Variants in PHLPP1 observed in about 807,000 individuals in gnomAD.
PHLPP1 encodes PH domain and leucine rich repeat protein phosphatase 1.
In PHLPP1, 42 loss-of-function variants were observed where a neutral mutation model predicts 117.2. The observed-to-expected ratio is 0.36, with a 90% CI of 0.28 to 0.46. PHLPP1 has a LOEUF of 0.46. Ranked by LOEUF, PHLPP1 falls within the 20% of genes least tolerant of loss-of-function variation. PHLPP1 has a pLI of 1.00. For synonymous variants in PHLPP1, 1,042 were observed against 970.7 expected (o/e 1.07, Z -1.37); for missense variants, 2,084 against 2,241.9 (o/e 0.93, Z 1.42).
At chr18:62,849,832 A>AATAT (rs1555677082) in intron 3 of PHLPP1, among the ~76,000 whole-genome samples, 2,807 of 33,070 alleles carry the variant, frequency 0.085, 523 homozygotes, top group African/African-American at 0.15. Context: ...AAAAAAAAAA[A>AATAT]ATATATATAT....
intron 1 of PHLPP1, among the ~76,000 whole-genome samples, chr18:62,810,743 T>G (rs1345164859): frequency 6.6e-6 from 1 of 152,142 alleles, no homozygotes; most frequent in Non-Finnish European, 1.5e-5. Flanking sequence ...TCTCACTGCA[T>G]TATATTGAAA....
chr18:62,874,508 C>CA (rs1915988111), intron 4 of PHLPP1, among the ~76,000 whole-genome samples: 1 of 152,122 alleles, frequency 6.6e-6, no homozygotes, highest in Admixed American at 6.5e-5. Flanking sequence ...GACTCCATCT[C>CA]AAAAAACAAA....
At chr18:62,745,000 T>C (rs1911635367) in intron 1 of PHLPP1, among the ~76,000 whole-genome samples, 1 of 152,196 alleles carries the variant, frequency 6.6e-6, no homozygotes, top group Non-Finnish European at 1.5e-5. Flanking sequence ...GCCCACAAAC[T>C]TGAAGATAGT....
At chr18:62,717,302 C>A in intron 1 of PHLPP1, 43 bp downstream of exon 1, 1 of 1,529,978 alleles carries the variant, frequency 6.5e-7, no homozygotes. Flanking sequence ...CAAAAGCTGC[C>A]GAGGACCGAG....
At chr18:62,921,476 C>T (rs1479843983) in intron 10 of PHLPP1, among the ~76,000 whole-genome samples, 2 of 152,184 alleles carry the variant, frequency 1.3e-5, no homozygotes, top group African/African-American at 2.4e-5. Context: ...TGAGCTTACT[C>T]CTGCTGTAAT....
intron 1 of PHLPP1, among the ~76,000 whole-genome samples, chr18:62,727,227 C>CA (rs1213656513): frequency 0.012 from 847 of 70,402 alleles, 12 homozygotes; most frequent in Admixed American, 0.02. Flanking sequence ...TACTCTGTCT[C>CA]AAAAAAAAAA....
chr18:62,856,931 G>GC (rs1555677761), intron 3 of PHLPP1, among the ~76,000 whole-genome samples: 3 of 147,374 alleles, frequency 2.0e-5, no homozygotes, highest in African/African-American at 7.5e-5. Flanking sequence ...TTCTCAAGCT[G>GC]TTTTTTTTTT....
At chr18:62,900,336 TAAATAAATAAATAAAA>T (rs1417731881) in intron 6 of PHLPP1, among the ~76,000 whole-genome samples, 1 of 132,010 alleles carries the variant, frequency 7.6e-6, no homozygotes, top group African/African-American at 2.9e-5. Context: ...AATAAATAAA[TAAATAAATAAATAAAA>T]AGTTTGTCCT....
chr18:62,966,461 A>G (rs187048836), intron 14 of PHLPP1, among the ~76,000 whole-genome samples: 68 of 143,848 alleles, frequency 4.7e-4, no homozygotes, highest in African/African-American at 1.7e-3. Flanking sequence ...GTACAGTTCT[A>G]CAAATTTTTT....
At chr18:62,944,786 A>G (rs1164585023) in intron 11 of PHLPP1, among the ~76,000 whole-genome samples, 1 of 152,186 alleles carries the variant, frequency 6.6e-6, no homozygotes, top group Admixed American at 6.5e-5. Context: ...CCATTTAAAT[A>G]GTGTTTTCAT....
At position 62,716,612 on chromosome 18, in the gene PHLPP1, G is replaced by T; in HGVS notation, c.929G>T (p.Gly310Val). The change falls in exon 1 of 17, where the codon GGC (glycine) becomes GTC (valine). Residue 310 changes from glycine (G) to valine (V), a missense_variant. Physicochemically the swap from Gly to Val is moderately radical, Grantham distance 109 (BLOSUM62 -3). Coordinates refer to ENST00000262719, the MANE Select transcript of PHLPP1 (RefSeq NM_194449.4). The surrounding 1 kb of genome is among the most constrained non-coding windows in gnomAD (Gnocchi z 5.7). ...CTACCCCTGCCCGTCGGCGGCCCGG[G>T]CGGGTGGTCGCGCCGCGCCAGCCCA... The part of the protein sequence containing the change: ...ADLPLPVGGP[G>V]GWSRRASPAP... 1 of 1,314,534 alleles carries T rather than the reference G, an allele frequency of 7.6e-7. No homozygotes were observed. The highest frequency in any genetic ancestry group is 3.1e-5 in the East Asian group (1 of 31,854). The allele number at this position is 1,314,534 out of a possible 1,614,324, so 81.4% of individuals were successfully genotyped here. A position where few individuals can be genotyped will look rare whatever the true frequency, so the allele number is the denominator to read the frequency against.
chr18:62,750,626 C>T (rs1301461441), intron 1 of PHLPP1, among the ~76,000 whole-genome samples: 1 of 151,522 alleles, frequency 6.6e-6, no homozygotes, highest in African/African-American at 2.4e-5. Flanking sequence ...TTTCTTTTTC[C>T]TGATTTCCAG....
At chr18:62,963,783 G>A (rs1198924302) in intron 14 of PHLPP1, among the ~76,000 whole-genome samples, 1 of 152,176 alleles carries the variant, frequency 6.6e-6, no homozygotes, top group Non-Finnish European at 1.5e-5. Context: ...CTGCTCCTTT[G>A]AAAAGCTCCT....
chr18:62,978,425 A>T lies in PHLPP1; in HGVS notation c.4148A>T (p.Glu1383Val). 1 of 1,612,252 alleles carries T rather than the reference A, an allele frequency of 6.2e-7. No individual in the cohort carries two copies. The highest frequency in any genetic ancestry group is 8.5e-7 in the Non-Finnish European group (1 of 1,179,230). The change falls in exon 17 of 17, where the codon GAG (glutamate) becomes GTG (valine). Residue 1383 changes from glutamate to valine, a missense_variant. By Grantham distance (121) the Glu-to-Val change is moderately radical. This residue lies in a region of PHLPP1 where 1,365 missense variants were observed against 1,605.9 expected (regional missense o/e 0.85). Transcript: ENST00000262719. This position sits in a 1 kb window ranked among gnomAD's most constrained non-coding sequence, Gnocchi z 7.0. ...SKGLWDSLSV[E>V]EAVEAVRNVP... ...GGGTTGTGGGACAGCCTGTCCGTCG[A>T]GGAGGCCGTGGAAGCCGTGCGCAAC...
Position 62,716,072 on chromosome 18 carries a change from T to G in PHLPP1, c.389T>G (p.Leu130Arg). 2.0e-6 allele frequency: 3 copies of G among 1,485,510 alleles called. No homozygotes were observed. The highest frequency in any genetic ancestry group is 2.7e-6 in the Non-Finnish European group (3 of 1,126,946). 92.0% of individuals were successfully genotyped at this position (1,485,510 alleles called of 1,614,324 possible). A position where few individuals can be genotyped will look rare whatever the true frequency, so the allele number is the denominator to read the frequency against. ...AGGAGAGGGCGGCTGAAGAGGAATC[T>G]GTCCGCGGCCGCCGCGGCCGCCTCC... is the stretch of plus-strand genomic sequence containing the variant. Reference protein sequence around the residue: ...LLRRGRLKRNLSAAAAAASSS... With the variant: ...LLRRGRLKRNRSAAAAAASSS... The change falls in exon 1 of 17, where the codon CTG becomes CGG. Residue 130 changes from leucine to arginine, a missense_variant. Around this residue, in one of 2 missense-constraint regions of PHLPP1, gnomAD observed 719 missense variants for 636.0 expected, o/e 1.13. Coordinates refer to ENST00000262719, the MANE Select transcript of PHLPP1 (RefSeq NM_194449.4). The surrounding 1 kb of genome is among the most constrained non-coding windows in gnomAD (Gnocchi z 5.7).
intron 4 of PHLPP1, among the ~76,000 whole-genome samples, chr18:62,865,456 A>G (rs930627004): frequency 2.0e-5 from 3 of 152,200 alleles, no homozygotes; most frequent in Non-Finnish European, 2.9e-5. Context: ...CCCATCATGA[A>G]CTATCATCAA....
At chr18:62,741,156 T>C (rs1911516355) in intron 1 of PHLPP1, among the ~76,000 whole-genome samples, 1 of 152,188 alleles carries the variant, frequency 6.6e-6, no homozygotes, top group Non-Finnish European at 1.5e-5. Flanking sequence ...TATGATGAAT[T>C]GCTAAACAGC....
chr18:62,761,638 AAAAT>A (rs1358490956), intron 1 of PHLPP1, among the ~76,000 whole-genome samples: 2 of 151,718 alleles, frequency 1.3e-5, no homozygotes, highest in Non-Finnish European at 2.9e-5. Flanking sequence ...GTCTCAAAAA[AAAAT>A]AAATAAAAAT....
intron 15 of PHLPP1, among the ~76,000 whole-genome samples, chr18:62,973,199 T>A (rs1911100679): frequency 6.6e-6 from 1 of 152,234 alleles, no homozygotes; most frequent in Non-Finnish European, 1.5e-5. Flanking sequence ...TAAATCATTC[T>A]TTATATTTTG....
Sources: gnomAD v4.1 joint callset for allele counts (sites outside exome capture counted in the v4.1 genomes callset) on GRCh38, gnomAD v4.1.1 for gene constraint, gnomAD v4.1.1 regional missense constraint, Gnocchi (gnomAD v3.1) non-coding constraint, MANE v1.5 for transcripts, NCBI Gene and HGNC (gene_info 2026-07-23, HGNC 2026-07-21) for gene names.